The following TNRC6B variants were observed in gnomAD, a reference collection of about 807,000 sequenced individuals.
TNRC6B encodes the protein trinucleotide repeat-containing gene 6B protein.
In TNRC6B, 52 loss-of-function variants were observed where a neutral mutation model predicts 203.6. The observed-to-expected ratio is 0.26, with a 90% CI of 0.20 to 0.32. The LOEUF (loss-of-function observed/expected upper bound fraction) is 0.32. TNRC6B is among the 10% of genes least tolerant of loss of function. TNRC6B has a pLI of 1.00. For synonymous variants in TNRC6B, 838 were observed against 845.7 expected (o/e 0.99, Z 0.16); for missense variants, 1,923 against 2,286.2 (o/e 0.84, Z 3.24).
At chr22:40,287,663 A>G (rs975119571) in intron 12 of TNRC6B, among the ~76,000 whole-genome samples, 1 of 152,204 alleles carries the variant, frequency 6.6e-6, no homozygotes, top group African/African-American at 2.4e-5. Flanking sequence ...GAGCATACAC[A>G]TACTTTACAG....
rs866046566 is a variant in TNRC6B, at chr22:40,170,819, G to A, written c.113+14637G>A. 2.5e-3 allele frequency among the ~76,000 whole-genome samples: 83 copies of A among 33,626 alleles called. 4 individuals are homozygous for A. The highest frequency in any genetic ancestry group is 2.4e-3 in the South Asian group (2 of 820). The allele number at this position is 33,626 out of a possible 152,430, so 22.1% of individuals were successfully genotyped here. ...TATATATACATATATGTACATATAT[G>A]TGTGTGTATATACATATATGTACAT... On this transcript the variant is annotated intron_variant, in intron 4 of 23. Coordinates refer to the TNRC6B transcript ENST00000301923.
intron 18 of TNRC6B, 41 bp downstream of exon 18, chr22:40,312,692 A>T: frequency 6.3e-7 from 1 of 1,578,384 alleles, no homozygotes; most frequent in African/African-American, 1.4e-5. Flanking sequence ...AACACCCAGC[A>T]TTTTCATAGT....
upstream of TNRC6B, among the ~76,000 whole-genome samples, chr22:40,173,715 C>G (rs1217403113): frequency 7.2e-6 from 1 of 138,138 alleles, no homozygotes; most frequent in African/African-American, 2.8e-5. Flanking sequence ...CCATGGCCAG[C>G]CTTGCTTTTA....
chr22:40,188,286 A>G (rs1392535668), intron 1 of TNRC6B, among the ~76,000 whole-genome samples: 1 of 152,160 alleles, frequency 6.6e-6, no homozygotes, highest in Non-Finnish European at 1.5e-5. Flanking sequence ...GGAGAGAGTA[A>G]GTGCTGGTTT....
intron 1 of TNRC6B, chr22:40,106,853 A>G: frequency 5.3e-6 from 6 of 1,125,748 alleles, no homozygotes; most frequent in Non-Finnish European, 8.0e-6. Context: ...CACCCTCGCC[A>G]TTCGAATTTC....
intron 1 of TNRC6B, among the ~76,000 whole-genome samples, chr22:40,243,392 CAG>C (rs2146467147): frequency 6.6e-6 from 1 of 152,248 alleles, no homozygotes; most frequent in Admixed American, 6.5e-5. Context: ...AAACAAAAAA[CAG>C]GGTGAAAGTA....
intron 1 of TNRC6B, among the ~76,000 whole-genome samples, chr22:40,058,835 T>C (rs1375455187): frequency 1.3e-5 from 2 of 152,190 alleles, no homozygotes; most frequent in Non-Finnish European, 2.9e-5. Context: ...GACTTTGACC[T>C]TCTCATTTTT....
At chr22:40,233,613 TC>T (rs1447574133) in intron 1 of TNRC6B, among the ~76,000 whole-genome samples, 4 of 150,922 alleles carry the variant, frequency 2.7e-5, no homozygotes, top group Non-Finnish European at 5.9e-5. Flanking sequence ...AGAGCAAGAC[TC>T]CGTCTCAAAA....
intron 4 of TNRC6B, among the ~76,000 whole-genome samples, chr22:40,165,879 A>C (rs1192876977): frequency 6.6e-6 from 1 of 152,142 alleles, no homozygotes; most frequent in African/African-American, 2.4e-5. Flanking sequence ...ACACATGGAG[A>C]TTATGGGAAC....
chr22:40,138,310 GACT>G (rs754501950), intron 3 of TNRC6B, among the ~76,000 whole-genome samples: 11 of 152,218 alleles, frequency 7.2e-5, no homozygotes, highest in Non-Finnish European at 1.6e-4. Context: ...CTGTTGCTCA[GACT>G]ATTGTGTAGT....
intron 1 of TNRC6B, among the ~76,000 whole-genome samples, chr22:40,245,592 A>G (rs1221564929): frequency 6.6e-6 from 1 of 152,216 alleles, no homozygotes; most frequent in Non-Finnish European, 1.5e-5. Context: ...AATTTATGAT[A>G]AATACATATG....
chr22:40,059,257 TTAAG>T (rs1365315887), intron 1 of TNRC6B, among the ~76,000 whole-genome samples: 1 of 152,268 alleles, frequency 6.6e-6, no homozygotes, highest in East Asian at 1.9e-4. Context: ...AAAGCCTTTC[TTAAG>T]TAACGCCTCC....
At chr22:40,115,041 C>G (rs1269085946) in intron 1 of TNRC6B, among the ~76,000 whole-genome samples, 1 of 152,180 alleles carries the variant, frequency 6.6e-6, no homozygotes, top group Non-Finnish European at 1.5e-5. Flanking sequence ...TTCAAGAGTA[C>G]TTGGAAAACT....
intron 2 of TNRC6B, among the ~76,000 whole-genome samples, chr22:40,123,210 C>T (rs577481979): frequency 2.0e-4 from 31 of 151,864 alleles, no homozygotes; most frequent in Non-Finnish European, 1.0e-4. Context: ...TTGGTTAAAG[C>T]CTTGGGTAGA....
At chr22:40,054,401 T>C (rs1734877675) in intron 1 of TNRC6B, among the ~76,000 whole-genome samples, 1 of 152,180 alleles carries the variant, frequency 6.6e-6, no homozygotes, top group South Asian at 2.1e-4. Context: ...ATGTGTGTTC[T>C]TCACTACCCA....
intron 4 of TNRC6B, among the ~76,000 whole-genome samples, chr22:40,164,852 A>G (rs1452340124): frequency 2.1e-5 from 3 of 142,468 alleles, no homozygotes; most frequent in African/African-American, 7.9e-5. Flanking sequence ...ATCTTGGCTC[A>G]CTCACTGCAA....
chr22:40,315,441 C>T lies in TNRC6B; in HGVS notation c.4837C>T (p.Pro1613Ser). 6.2e-7 allele frequency: 1 copy of T among 1,613,994 alleles called. No homozygotes were observed. Among genetic ancestry groups the T allele is most frequent in the Middle Eastern group, 1.6e-4 (1 of 6,062 alleles). The change falls in exon 20 of 23, where the codon CCC (proline) becomes TCC (serine). Residue 1613 changes from proline to serine, a missense_variant. Physicochemically the swap from Pro to Ser is moderately conservative, Grantham distance 74. Coordinates refer to ENST00000454349, the MANE Select transcript of TNRC6B (RefSeq NM_001162501.2). ...PGLTNPKPSS[P>S]WSSTAPRSVR... Reference sequence around the variant, plus strand: ...TCTGACCAACCCCAAACCATCATCTCCCTGGAGCAGCACAGCACCCCGATC... The same window carrying T: ...TCTGACCAACCCCAAACCATCATCTTCCTGGAGCAGCACAGCACCCCGATC...
chr22:40,133,781 C>T (rs765325002), intron 3 of TNRC6B, among the ~76,000 whole-genome samples: 2 of 151,592 alleles, frequency 1.3e-5, no homozygotes, highest in African/African-American at 4.8e-5. Context: ...CCAGCCTGAC[C>T]GACATGGAGA....
rs60000368 is a variant in TNRC6B at position 40,335,477 on chromosome 22, CAAAAAAA to C, written c.*12246_*12252del. 8.1e-5 allele frequency: 7 copies of C among 86,812 alleles called. No individual in the cohort carries two copies. The highest frequency in any genetic ancestry group is 1.3e-4 in the Admixed American group (1 of 7,582). The allele number at this position is 86,812 out of a possible 1,614,324, so 5.4% of individuals were successfully genotyped here. A position where few individuals can be genotyped will look rare whatever the true frequency, so the allele number is the denominator to read the frequency against. ...GTACTGTATTTCTCATGCTGGATTT[CAAAAAAA>C]AAAAAAAAAGTATCAAAAACAAAAA... is the stretch of plus-strand genomic sequence containing the variant. On this transcript the variant is annotated 3_prime_UTR_variant, in exon 23 of 23. Coordinates refer to ENST00000454349, the MANE Select transcript of TNRC6B (RefSeq NM_001162501.2).
Sources: gnomAD v4.1 joint callset for allele counts (sites outside exome capture counted in the v4.1 genomes callset) on GRCh38, gnomAD v4.1.1 for gene constraint, MANE v1.5 for transcripts, NCBI Gene and HGNC (gene_info 2026-07-23, HGNC 2026-07-21) for gene names.